EXOC6: variants seen among roughly 807,000 people sequenced by gnomAD.
The protein encoded by EXOC6 is SEC15-like 1.
EXOC6 carries 60 observed loss-of-function variants against 112.5 expected under a neutral mutation model. The observed-to-expected ratio is 0.53, with a 90% CI of 0.43 to 0.66. The LOEUF (loss-of-function observed/expected upper bound fraction) is 0.66, where lower values mean the gene tolerates loss of function less well. EXOC6 is among the 30% of genes least tolerant of loss of function. EXOC6 has a pLI of 0.00. For missense variants in EXOC6, 855 were observed against 957.1 expected, an observed-to-expected ratio of 0.89 and a Z score of 1.41; for synonymous variants, 295 against 308.0, an observed-to-expected ratio of 0.96 and a Z score of 0.44.
rs531678182 is a variant in EXOC6, at chr10:93,021,939, A to G, written c.2169+7672A>G. 2.0e-5 allele frequency among the ~76,000 whole-genome samples: 3 copies of G among 152,346 alleles called. No homozygotes were observed. The South Asian group carries it at 6.2e-4, about 32-fold the overall frequency. ...ATAATCTCATTGTAGGATTGTGAGTAGGACCACATAGTTTATGAAACTGTT... is the reference window on the plus strand; with the variant it reads ...ATAATCTCATTGTAGGATTGTGAGTGGGACCACATAGTTTATGAAACTGTT... On this transcript the variant is annotated intron_variant, in intron 20 of 21. Coordinates refer to ENST00000260762, the MANE Select transcript of EXOC6 (RefSeq NM_019053.6).
At chr10:92,971,745 A>G (rs1842306503) in intron 17 of EXOC6, among the ~76,000 whole-genome samples, 1 of 152,074 alleles carries the variant, frequency 6.6e-6, no homozygotes, top group Non-Finnish European at 1.5e-5. Flanking sequence ...TTCTTTAGAT[A>G]TGGTTTCCTT....
intron 20 of EXOC6, among the ~76,000 whole-genome samples, chr10:93,034,569 C>G (rs1845425306): frequency 1.3e-5 from 2 of 152,170 alleles, no homozygotes; most frequent in Non-Finnish European, 2.9e-5. Flanking sequence ...CATGAACAAG[C>G]TTTGAATCTT....
chr10:92,880,467 C>G (rs922085484), intron 1 of EXOC6, among the ~76,000 whole-genome samples: 1 of 152,050 alleles, frequency 6.6e-6, no homozygotes, highest in Admixed American at 6.6e-5. Flanking sequence ...GTAAAGGGTG[C>G]CCTCTAGTGA....
intron 1 of EXOC6, among the ~76,000 whole-genome samples, chr10:92,842,818 T>C (rs1846906123): frequency 6.6e-6 from 1 of 152,146 alleles, no homozygotes. Flanking sequence ...TTTTGAGGGC[T>C]TTCAGGACAT....
chr10:92,973,939 A>G, intron 17 of EXOC6, 114 bp from the exon 18 acceptor site: 1 of 905,672 alleles, frequency 1.1e-6, no homozygotes, highest in Non-Finnish European at 1.6e-6. Context: ...CTGGACTTTG[A>G]ATAAATGGCT....
chr10:92,930,521 AT>A (rs1165736625), intron 9 of EXOC6, among the ~76,000 whole-genome samples: 56 of 151,552 alleles, frequency 3.7e-4, no homozygotes, highest in Non-Finnish European at 7.4e-5. Context: ...AATAATAATA[AT>A]AATAAATAGA....
At chr10:92,943,410 C>T (rs1202014092) in intron 13 of EXOC6, among the ~76,000 whole-genome samples, 1 of 152,150 alleles carries the variant, frequency 6.6e-6, no homozygotes, top group East Asian at 1.9e-4. Context: ...GACAACCTAA[C>T]AATTAAATGG....
At chr10:92,948,436 T>A in intron 14 of EXOC6, 57 bp downstream of exon 14, 1 of 994,898 alleles carries the variant, frequency 1.0e-6, no homozygotes, top group African/African-American at 1.7e-5. Flanking sequence ...TAGTATTTGT[T>A]ACTACATAAT....
intron 13 of EXOC6, among the ~76,000 whole-genome samples, chr10:92,941,336 A>C (rs976258741): frequency 1.3e-5 from 2 of 152,196 alleles, no homozygotes; most frequent in African/African-American, 4.8e-5. Context: ...GTTGATGGAC[A>C]TTTAGGTTCC....
intron 20 of EXOC6, among the ~76,000 whole-genome samples, chr10:93,046,304 C>T (rs1356837925): frequency 6.6e-6 from 1 of 152,042 alleles, no homozygotes; most frequent in East Asian, 1.9e-4. Flanking sequence ...TATGATTCAC[C>T]CAGACTAAAA....
At chr10:92,900,050 GAC>G (rs1850072872) in intron 5 of EXOC6, 1 of 158,234 alleles carries the variant, frequency 6.3e-6, no homozygotes, top group Admixed American at 6.4e-5. Context: ...ATGCATATAT[GAC>G]AGTTGAAAAA....
intron 14 of EXOC6, among the ~76,000 whole-genome samples, chr10:92,950,307 A>G (rs569385660): frequency 3.2e-4 from 48 of 152,290 alleles, no homozygotes; most frequent in Non-Finnish European, 6.5e-4. Flanking sequence ...GTTATTTTCA[A>G]CATAAATTAT....
intron 1 of EXOC6, among the ~76,000 whole-genome samples, chr10:92,839,808 T>C (rs1275101085): frequency 2.0e-5 from 3 of 149,686 alleles, no homozygotes; most frequent in African/African-American, 7.4e-5. Context: ...CATTGTAGGG[T>C]ACTGCAAAGT....
At position 92,921,205 on chromosome 10, in the gene EXOC6, G is replaced by T. The variant is rs577011418; in HGVS notation, c.888+1155G>T. Among the ~76,000 whole-genome samples, 77 of 148,400 alleles carry T rather than the reference G, an allele frequency of 5.2e-4. 1 individual carries two copies. Among genetic ancestry groups the T allele is most frequent in the African/African-American group, 1.6e-3 (64 of 40,418 alleles). On this transcript the variant is annotated intron_variant, in intron 8 of 21. Coordinates refer to ENST00000260762, the MANE Select transcript of EXOC6 (RefSeq NM_019053.6). ...TTAGTACTGTCTTGTGCATTAAATAGATATTTTCTTATGTACCATTTCATT... is the reference window on the plus strand; with the variant it reads ...TTAGTACTGTCTTGTGCATTAAATATATATTTTCTTATGTACCATTTCATT...
chr10:92,948,661 A>G (rs189189415), intron 14 of EXOC6, among the ~76,000 whole-genome samples: 51 of 151,682 alleles, frequency 3.4e-4, no homozygotes, highest in African/African-American at 1.1e-3. Flanking sequence ...TCCTGGGCCT[A>G]CTAGAAGTAG....
At chr10:92,920,315 G>A (rs1172188814) in intron 8 of EXOC6, among the ~76,000 whole-genome samples, 1 of 152,058 alleles carries the variant, frequency 6.6e-6, no homozygotes, top group Non-Finnish European at 1.5e-5. Flanking sequence ...TTACATCACA[G>A]TTCTTATAAG....
In EXOC6 at chr10:92,909,515, G is replaced by C. The variant is rs752827133; in HGVS notation, c.547G>C (p.Glu183Gln). The C allele has an allele frequency of 1.9e-6, 3 of 1,613,332 alleles. No homozygotes were observed. In the Admixed American group the frequency reaches 5.0e-5, roughly 27 times the overall value. The change falls in exon 6 of 22, where the codon GAA becomes CAA. Residue 183 changes from glutamate to glutamine, a missense_variant. This residue lies in a region of EXOC6 where 405 missense variants were observed against 393.6 expected (regional missense o/e 1.03). Transcript: ENST00000260762. ...SQYRFCQLMI[E>Q]NLPKLREDIK... ...ATACCGGTTTTGTCAGCTCATGATA[G>C]AAAATCTTCCCAAACTCCGTGAGGA...
At chr10:92,941,515 A>G (rs1003527814) in intron 13 of EXOC6, among the ~76,000 whole-genome samples, 1 of 152,232 alleles carries the variant, frequency 6.6e-6, no homozygotes, top group Non-Finnish European at 1.5e-5. Flanking sequence ...TACTGTTTCC[A>G]TAGTGGCTGT....
chr10:92,896,956 T>A (rs1849862285), intron 4 of EXOC6, among the ~76,000 whole-genome samples: 1 of 152,128 alleles, frequency 6.6e-6, no homozygotes, highest in African/African-American at 2.4e-5. Context: ...CGTAAAAACT[T>A]TGAGTAAATA....
Sources: allele counts gnomAD v4.1 joint callset (sites outside exome capture counted in the v4.1 genomes callset), GRCh38; gene constraint gnomAD v4.1.1; regional missense constraint gnomAD v4.1.1; transcripts MANE v1.5; gene names NCBI Gene and HGNC (gene_info 2026-07-23, HGNC 2026-07-21).